The following ARID4B variants were observed in gnomAD, a reference collection of about 807,000 sequenced individuals.
ARID4B encodes AT-rich interaction domain 4B.
A neutral mutation model predicts 147.5 loss-of-function variants in ARID4B; 26 were observed. The observed-to-expected ratio is 0.18, with a 90% CI of 0.13 to 0.24. The LOEUF (loss-of-function observed/expected upper bound fraction) is 0.24. Among genes scored for constraint, ARID4B ranks in the 10% least tolerant of loss-of-function variants. The pLI is 1.00. For synonymous variants in ARID4B, 512 were observed against 507.9 expected (o/e 1.01, Z -0.11); for missense variants, 1,179 against 1,511.5 (o/e 0.78, Z 3.65).
intron 18 of ARID4B, among the ~76,000 whole-genome samples, chr1:235,194,598 A>C (rs1322901593): frequency 6.6e-6 from 1 of 152,160 alleles, no homozygotes; most frequent in Non-Finnish European, 1.5e-5. Context: ...CGGCAGGTGG[A>C]TCACCTGAGG....
chr1:235,209,546 T>C (rs1666556389), intron 17 of ARID4B, among the ~76,000 whole-genome samples: 1 of 145,140 alleles, frequency 6.9e-6, no homozygotes, highest in Non-Finnish European at 1.5e-5. Context: ...ACAAGAAAAT[T>C]GATTTTTTTG....
chr1:235,169,417 AT>A (rs1303809442), intron 23 of ARID4B, among the ~76,000 whole-genome samples: 5 of 150,738 alleles, frequency 3.3e-5, no homozygotes, highest in Non-Finnish European at 7.4e-5. Flanking sequence ...ATTTTTTTGT[AT>A]TTTTAGTAGA....
At chr1:235,265,527 T>C (rs1572109476) in intron 2 of ARID4B, among the ~76,000 whole-genome samples, 1 of 151,768 alleles carries the variant, frequency 6.6e-6, no homozygotes, top group East Asian at 1.9e-4. Context: ...GGCAAAACCC[T>C]GTTTCTACTA....
At chr1:235,276,262 T>C (rs1237294112) in intron 2 of ARID4B, among the ~76,000 whole-genome samples, 3 of 151,862 alleles carry the variant, frequency 2.0e-5, no homozygotes, top group Admixed American at 1.3e-4. Context: ...ATAACATTAG[T>C]AGCATTAGCA....
At chr1:235,196,661 C>CTG (rs1571948782) in intron 17 of ARID4B, among the ~76,000 whole-genome samples, 7 of 151,706 alleles carry the variant, frequency 4.6e-5, no homozygotes, top group Admixed American at 1.3e-4. Flanking sequence ...AGACCATCAA[C>CTG]GCTAACACGG....
chr1:235,257,267 G>C (rs758396884), intron 3 of ARID4B, 42 bp from the exon 4 acceptor site: 5 of 1,318,892 alleles, frequency 3.8e-6, no homozygotes, highest in Non-Finnish European at 5.5e-6. Flanking sequence ...AATAAACCAA[G>C]CAACACAAGC....
intron 17 of ARID4B, among the ~76,000 whole-genome samples, chr1:235,203,414 G>C (rs371900055): frequency 6.6e-6 from 1 of 152,036 alleles, no homozygotes; most frequent in African/African-American, 2.4e-5. Context: ...AAAAAGCACA[G>C]TCTTAAGAGA....
intron 4 of ARID4B, among the ~76,000 whole-genome samples, chr1:235,256,331 G>A (rs1669990484): frequency 6.6e-6 from 1 of 152,068 alleles, no homozygotes; most frequent in African/African-American, 2.4e-5. Context: ...AACCCCCAGG[G>A]TCAGTAGACT....
At chr1:235,174,951 A>C (rs1235511963) in intron 22 of ARID4B, among the ~76,000 whole-genome samples, 1 of 152,000 alleles carries the variant, frequency 6.6e-6, no homozygotes, top group Admixed American at 6.5e-5. Flanking sequence ...TAAACACACA[A>C]AAAAATTAGC....
intron 22 of ARID4B, among the ~76,000 whole-genome samples, chr1:235,173,895 G>A (rs556258190): frequency 6.2e-5 from 9 of 144,034 alleles, no homozygotes; most frequent in African/African-American, 2.3e-4. Context: ...AGTATAGAGA[G>A]AAGGATAGTG....
At chr1:235,194,935 C>T (rs1007005982) in intron 18 of ARID4B, among the ~76,000 whole-genome samples, 2 of 152,136 alleles carry the variant, frequency 1.3e-5, no homozygotes, top group African/African-American at 4.8e-5. Context: ...CAGGGGCAAC[C>T]TTCCTACCTC....
intron 2 of ARID4B, among the ~76,000 whole-genome samples, chr1:235,262,984 G>C (rs10925271): frequency 0.04 from 6,064 of 152,088 alleles, 454 homozygotes; most frequent in African/African-American, 0.14. Context: ...GTTTTATAGA[G>C]AGAGAAACAA....
chr1:235,246,476 A>C lies in ARID4B; in HGVS notation c.390T>G (p.His130Gln). Reference sequence around the variant, plus strand: ...TCTTTCCTATGACTGGAGTGCCAAAATGCTCAGGGTTGGTGAGTGGGAGCT... The same window carrying C: ...TCTTTCCTATGACTGGAGTGCCAAACTGCTCAGGGTTGGTGAGTGGGAGCT... Reference protein sequence around the residue: ...LDQLPLTNPEHFGTPVIGKKT... With the variant: ...LDQLPLTNPEQFGTPVIGKKT... Residue 130 changes from histidine to glutamine, a missense_variant, in exon 7 of 24, where the codon CAT (histidine) becomes CAG (glutamine). Coordinates refer to ENST00000264183, the MANE Select transcript of ARID4B (RefSeq NM_016374.6). The C allele has an allele frequency of 6.2e-7, 1 of 1,613,882 alleles. No individual in the cohort carries two copies. Among genetic ancestry groups the C allele is most frequent in the South Asian group, 1.1e-5 (1 of 91,076 alleles).
At chr1:235,241,315 AGATAGTTTGCAAT>A (rs1286578995) in intron 7 of ARID4B, among the ~76,000 whole-genome samples, 2 of 152,186 alleles carry the variant, frequency 1.3e-5, no homozygotes, top group African/African-American at 4.8e-5. Context: ...AGTGTTTTTC[AGATAGTTTGCAAT>A]GATCAGTTTC....
intron 2 of ARID4B, among the ~76,000 whole-genome samples, chr1:235,282,777 TTATTTA>T (rs1671741309): frequency 6.6e-6 from 1 of 151,992 alleles, no homozygotes; most frequent in Admixed American, 6.6e-5. Context: ...CTATTTAATT[TTATTTA>T]TTTATTTATT....
intron 21 of ARID4B, 111 bp downstream of exon 21, chr1:235,177,685 TACAG>T: frequency 3.2e-6 from 2 of 615,526 alleles, no homozygotes; most frequent in South Asian, 5.9e-5. Flanking sequence ...TTTTTGAGTG[TACAG>T]ACAAAATCAA....
At chr1:235,269,450 A>G (rs1670827195) in intron 2 of ARID4B, among the ~76,000 whole-genome samples, 1 of 152,210 alleles carries the variant, frequency 6.6e-6, no homozygotes, top group Admixed American at 6.5e-5. Flanking sequence ...ATATCTGCCA[A>G]GAGTAACTGG....
intron 2 of ARID4B, among the ~76,000 whole-genome samples, chr1:235,303,452 CAGT>C (rs1315669286): frequency 6.6e-6 from 1 of 151,768 alleles, no homozygotes; most frequent in Non-Finnish European, 1.5e-5. Context: ...AGGCTGGACA[CAGT>C]AGCTCACTCC....
At chr1:235,230,399 A>G (rs1668123496) in intron 10 of ARID4B, among the ~76,000 whole-genome samples, 1 of 149,044 alleles carries the variant, frequency 6.7e-6, no homozygotes, top group South Asian at 2.2e-4. Flanking sequence ...ACAGAGCAAG[A>G]CTCCATCTCA....
Sources: allele counts gnomAD v4.1 joint callset (sites outside exome capture counted in the v4.1 genomes callset), GRCh38; gene constraint gnomAD v4.1.1; transcripts MANE v1.5; gene names NCBI Gene and HGNC (gene_info 2026-07-23, HGNC 2026-07-21).